The following SLC29A3 variants were observed in gnomAD, a reference collection of about 807,000 sequenced individuals.
SLC29A3 encodes equilibrative nucleoside transporter 3.
In SLC29A3, 18 loss-of-function variants were observed where a neutral mutation model predicts 25.4. The observed-to-expected ratio is 0.71, with a 90% CI of 0.49 to 1.05. SLC29A3 has a LOEUF of 1.05. Ranked by LOEUF, SLC29A3 falls within the 50% of genes least tolerant of loss-of-function variation. SLC29A3 has a pLI of 0.00. For missense variants in SLC29A3, 586 were observed against 609.0 expected (o/e 0.96, Z 0.40); for synonymous variants, 258 against 267.1 (o/e 0.97, Z 0.33).
intron 1 of SLC29A3, among the ~76,000 whole-genome samples, chr10:71,322,219 T>C (rs1209286859): frequency 2.0e-5 from 3 of 152,106 alleles, no homozygotes; most frequent in South Asian, 4.2e-4. Flanking sequence ...ATTCTGTGCA[T>C]ATACAAATAC....
chr10:71,372,256 A>T (rs1286521609), intron 3 of SLC29A3, among the ~76,000 whole-genome samples: 8 of 152,200 alleles, frequency 5.3e-5, no homozygotes, highest in Admixed American at 2.6e-4. Context: ...GTGAATGCAT[A>T]ATCTTACTTA....
chr10:71,325,938 A>G (rs1335004644), intron 2 of SLC29A3, among the ~76,000 whole-genome samples: 14 of 130,908 alleles, frequency 1.1e-4, no homozygotes, highest in African/African-American at 4.2e-4. Context: ...TTTTTTTGAG[A>G]CAGGGTCTTG....
intron 3 of SLC29A3, among the ~76,000 whole-genome samples, chr10:71,346,685 A>G (rs1846593294): frequency 2.0e-5 from 3 of 152,178 alleles, no homozygotes; most frequent in African/African-American, 7.2e-5. Context: ...AGCCTTGGCT[A>G]GAATGAAAGG....
intron 2 of SLC29A3, among the ~76,000 whole-genome samples, chr10:71,332,143 CTTTTTTTTCT>C (rs1245720293): frequency 1.6e-5 from 2 of 123,882 alleles, no homozygotes; most frequent in African/African-American, 7.6e-5. Context: ...TTTTCTTTTT[CTTTTTTTTCT>C]TTTTTTTTTT....
In SLC29A3 at chr10:71,346,138, T is replaced by G. The variant is rs533370879; in HGVS notation, c.383+1847T>G. Among the ~76,000 whole-genome samples the G allele has an allele frequency of 7.1e-4, 108 of 152,352 alleles. No individual in the cohort carries two copies. In the South Asian group the frequency reaches 9.5e-3, roughly 13 times the overall value. On this transcript the variant is annotated intron_variant, in intron 3 of 5. Coordinates refer to ENST00000373189, the MANE Select transcript of SLC29A3 (RefSeq NM_018344.6). ...AGGGGCACCATGGGACAGCTGAGTC[T>G]GCCTGTTGCCTCTTCAGTGGTCTGG... is the stretch of plus-strand genomic sequence containing the variant.
chr10:71,362,221 C>G lies in SLC29A3; in HGVS notation c.1041C>G (p.Ile347Met). Reference sequence around the variant, plus strand: ...CACTGTGGACCACCAAGTTTTTCATCCCCCTCACTACCTTCCTCCTGTACA... The same window carrying G: ...CACTGTGGACCACCAAGTTTTTCATGCCCCTCACTACCTTCCTCCTGTACA... ...SGSLWTTKFFIPLTTFLLYNF... is the reference protein window; with the variant it reads ...SGSLWTTKFFMPLTTFLLYNF... The change falls in exon 6 of 6, where the codon ATC (isoleucine) becomes ATG (methionine). Residue 347 changes from isoleucine (I) to methionine (M), a missense_variant. Physicochemically the swap from Ile to Met is conservative, Grantham distance 10. Coordinates refer to ENST00000373189, the MANE Select transcript of SLC29A3 (RefSeq NM_018344.6). 6.2e-7 allele frequency: 1 copy of G among 1,614,064 alleles called. No homozygotes were observed. The highest frequency in any genetic ancestry group is 8.5e-7 in the Non-Finnish European group (1 of 1,179,954).
At chr10:71,349,553 CTGT>C (rs1846692767) in intron 3 of SLC29A3, among the ~76,000 whole-genome samples, 1 of 152,104 alleles carries the variant, frequency 6.6e-6, no homozygotes, top group African/African-American at 2.4e-5. Context: ...CGTCACATGC[CTGT>C]TGTTTGTGGC....
chr10:71,340,781 C>G (rs1846382441), intron 2 of SLC29A3, among the ~76,000 whole-genome samples: 1 of 152,208 alleles, frequency 6.6e-6, no homozygotes, highest in East Asian at 1.9e-4. Flanking sequence ...AGGGACATGC[C>G]AGCTGCCTGG....
chr10:71,371,551 A>G (rs539578227), intron 3 of SLC29A3, among the ~76,000 whole-genome samples: 10 of 152,330 alleles, frequency 6.6e-5, no homozygotes, highest in African/African-American at 2.4e-4. Flanking sequence ...GTGCCAAGCT[A>G]CAGTGACCCG....
chr10:71,327,618 G>A (rs1846001473), intron 2 of SLC29A3, among the ~76,000 whole-genome samples: 1 of 152,164 alleles, frequency 6.6e-6, no homozygotes, highest in South Asian at 2.1e-4. Context: ...GGGCTATAGG[G>A]AATTTCACGG....
intron 3 of SLC29A3, among the ~76,000 whole-genome samples, chr10:71,374,868 T>C (rs2131859897): frequency 6.6e-6 from 1 of 152,328 alleles, no homozygotes; most frequent in East Asian, 1.9e-4. Context: ...TGGGGTCGCT[T>C]GCCTCTGTGA....
rs72542482 is a variant in SLC29A3 at position 71,319,353 on chromosome 10, C to T, written c.1+43C>T. Reference sequence around the variant, plus strand: ...CGGGCTCTTCCGGCTACGGTCCCGGCCGCCCCCAGACTCGCGCTCAGCGAC... The same window carrying T: ...CGGGCTCTTCCGGCTACGGTCCCGGTCGCCCCCAGACTCGCGCTCAGCGAC... On this transcript the variant is annotated intron_variant, in intron 1 of 5. Transcript: ENST00000373189. The T allele has an allele frequency of 1.3e-4, 79 of 622,744 alleles. No homozygotes were observed. In the African/African-American group the frequency reaches 1.4e-3, roughly 11 times the overall value. 38.6% of individuals were successfully genotyped at this position (622,744 alleles called of 1,614,324 possible).
chr10:71,348,438 T>G (rs533000680), intron 3 of SLC29A3, among the ~76,000 whole-genome samples: 1 of 152,238 alleles, frequency 6.6e-6, no homozygotes. Context: ...GGTTGAATAT[T>G]TGTCAGGGGT....
At chr10:71,371,921 C>T (rs1382128710) in intron 3 of SLC29A3, among the ~76,000 whole-genome samples, 1 of 152,234 alleles carries the variant, frequency 6.6e-6, no homozygotes, top group African/African-American at 2.4e-5. Context: ...AGTTCCAGAG[C>T]TCTGCCTGCA....
intron 3 of SLC29A3, among the ~76,000 whole-genome samples, chr10:71,372,528 C>G (rs190542582): frequency 8.5e-5 from 13 of 152,296 alleles, no homozygotes; most frequent in Admixed American, 3.3e-4. Flanking sequence ...GTAGTTCCAA[C>G]AAGTTCCCAG....
At chr10:71,371,621 G>T (rs1479439448) in intron 3 of SLC29A3, among the ~76,000 whole-genome samples, 1 of 152,180 alleles carries the variant, frequency 6.6e-6, no homozygotes, top group Non-Finnish European at 1.5e-5. Context: ...TAAGAGCAGG[G>T]ACTTAGAAGC....
Position 71,344,301 on chromosome 10 carries a change from T to C in SLC29A3, c.383+10T>C, listed in dbSNP as rs927017100. The C allele has an allele frequency of 4.4e-6, 7 of 1,602,692 alleles. No homozygotes were observed. Among genetic ancestry groups the C allele is most frequent in the Non-Finnish European group, 6.0e-6 (7 of 1,170,144 alleles). Reference sequence around the variant, plus strand: ...TCCTGCTTGTCAACAGGTAGGCGACTCTCTTCCCTCTCTCAGGCCTCTGCC... The same window carrying C: ...TCCTGCTTGTCAACAGGTAGGCGACCCTCTTCCCTCTCTCAGGCCTCTGCC... On this transcript the variant is annotated intron_variant, in intron 3 of 5. Coordinates refer to ENST00000373189, the MANE Select transcript of SLC29A3 (RefSeq NM_018344.6).
Position 71,361,951 on chromosome 10 carries a change from C to T in SLC29A3, c.774-3C>T. On this transcript the variant is annotated splice_polypyrimidine_tract_variant and splice_region_variant and intron_variant, in intron 5 of 5. Transcript: ENST00000373189. ...TGATGGTGGCCCTGTCTCCTCCCTG[C>T]AGGTACTACATGAGGCCTGTTCTTG... is the stretch of plus-strand genomic sequence containing the variant. 5 of 1,614,010 alleles carry T rather than the reference C, an allele frequency of 3.1e-6. No individual in the cohort carries two copies. The highest frequency in any genetic ancestry group is 4.2e-6 in the Non-Finnish European group (5 of 1,180,030).
At chr10:71,339,785 A>T (rs1479970230) in intron 2 of SLC29A3, among the ~76,000 whole-genome samples, 3 of 152,032 alleles carry the variant, frequency 2.0e-5, no homozygotes, top group Non-Finnish European at 4.4e-5. Context: ...TATCTGTCTG[A>T]CATGCTTCCC....
Sources: allele counts gnomAD v4.1 joint callset (sites outside exome capture counted in the v4.1 genomes callset), GRCh38; gene constraint gnomAD v4.1.1; transcripts MANE v1.5; gene names NCBI Gene and HGNC (gene_info 2026-07-23, HGNC 2026-07-21).